The following LOC400499 variants were observed in gnomAD, a reference collection of about 807,000 sequenced individuals.
chr16:11,501,615 G>A, the LOC400499 span, among the ~76,000 whole-genome samples: 2 of 152,044 alleles, frequency 1.3e-5, no homozygotes, highest in South Asian at 2.1e-4. Context: ...CTGAGTTAGT[G>A]CCTCAGAGAT....
At chr16:11,505,859 C>T in the LOC400499 span, among the ~76,000 whole-genome samples, 13,032 of 152,054 alleles carry the variant, frequency 0.086, 721 homozygotes, top group African/African-American at 0.16. Flanking sequence ...TCACCGTAAC[C>T]ACCTTTTCTT....
the LOC400499 span, among the ~76,000 whole-genome samples, chr16:11,431,462 G>C: frequency 3.9e-5 from 6 of 152,128 alleles, no homozygotes; most frequent in African/African-American, 1.4e-4. Context: ...CTGGAGTACA[G>C]TGGCACAATC....
At chr16:11,456,935 C>T in the LOC400499 span, 2 of 1,536,308 alleles carry the variant, frequency 1.3e-6, no homozygotes, top group Non-Finnish European at 1.7e-6. Flanking sequence ...GCCCATTGTA[C>T]TGCACCTTCA....
chr16:11,512,644 T>G, the LOC400499 span, among the ~76,000 whole-genome samples: 1 of 152,168 alleles, frequency 6.6e-6, no homozygotes, highest in Non-Finnish European at 1.5e-5. Flanking sequence ...GTGGTGATGA[T>G]GGATGTACAA....
At chr16:11,513,298 G>C in the LOC400499 span, among the ~76,000 whole-genome samples, 1 of 151,598 alleles carries the variant, frequency 6.6e-6, no homozygotes, top group Non-Finnish European at 1.5e-5. Flanking sequence ...CCAGTTACCT[G>C]GCGGGCTGAG....
chr16:11,456,721 C>T, the LOC400499 span: 1 of 1,044,238 alleles, frequency 9.6e-7, no homozygotes, highest in Non-Finnish European at 1.4e-6. Context: ...AGCCACTGTG[C>T]CTGGCCCAGT....
chr16:11,433,979 G>T, the LOC400499 span, among the ~76,000 whole-genome samples: 137 of 152,328 alleles, frequency 9.0e-4, 3 homozygotes, highest in East Asian at 0.014. Context: ...TCAGACACAA[G>T]ATGGGAGGAG....
At chr16:11,397,791 G>A in the LOC400499 span, among the ~76,000 whole-genome samples, 1 of 131,798 alleles carries the variant, frequency 7.6e-6, no homozygotes. Flanking sequence ...GGGAGGGAGG[G>A]AGGGAGGGAT....
At chr16:11,446,543 C>T in the LOC400499 span, 1 of 1,535,924 alleles carries the variant, frequency 6.5e-7, no homozygotes, top group African/African-American at 1.4e-5. Flanking sequence ...GGGGTCTCTG[C>T]TCTTACCGTG....
chr16:11,513,829 T>C, the LOC400499 span, among the ~76,000 whole-genome samples: 11 of 152,170 alleles, frequency 7.2e-5, no homozygotes, highest in Non-Finnish European at 1.0e-4. Context: ...GCACAGCAAC[T>C]GGCCCACAGT....
At chr16:11,501,589 C>G in the LOC400499 span, among the ~76,000 whole-genome samples, 1 of 152,048 alleles carries the variant, frequency 6.6e-6, no homozygotes, top group Non-Finnish European at 1.5e-5. Flanking sequence ...AACTCCTGAG[C>G]ATAGCCGTAA....
the LOC400499 span, chr16:11,450,819 T>A: frequency 6.6e-7 from 1 of 1,525,520 alleles, no homozygotes. Context: ...GGTTCAAGGC[T>A]CCTGCAAGCA....
chr16:11,408,315 C>T, the LOC400499 span, among the ~76,000 whole-genome samples: 7,288 of 152,130 alleles, frequency 0.048, 210 homozygotes, highest in Middle Eastern at 0.15. Flanking sequence ...TCACTAGAGG[C>T]GTCATTTCGT....
the LOC400499 span, among the ~76,000 whole-genome samples, chr16:11,448,705 C>A: frequency 2.0e-5 from 3 of 150,882 alleles, no homozygotes; most frequent in African/African-American, 7.3e-5. Context: ...CCAGCCTGGG[C>A]AACAGAATGA....
the LOC400499 span, among the ~76,000 whole-genome samples, chr16:11,403,567 CAT>C: frequency 2.6e-5 from 4 of 152,230 alleles, no homozygotes; most frequent in Non-Finnish European, 5.9e-5. Context: ...CCAGGGCACA[CAT>C]GTGGCAAATG....
the LOC400499 span, among the ~76,000 whole-genome samples, chr16:11,373,213 C>T: frequency 6.6e-6 from 1 of 152,200 alleles, no homozygotes; most frequent in Non-Finnish European, 1.5e-5. Context: ...ATGTGGGGCT[C>T]CTGGCCCTAG....
the LOC400499 span, among the ~76,000 whole-genome samples, chr16:11,420,630 A>G: frequency 8.2e-6 from 1 of 121,762 alleles, no homozygotes; most frequent in East Asian, 2.9e-4. Flanking sequence ...CCAAACTTTC[A>G]GTGAAATCTC....
At chr16:11,518,535 C>T in the LOC400499 span, among the ~76,000 whole-genome samples, 2 of 152,122 alleles carry the variant, frequency 1.3e-5, no homozygotes, top group African/African-American at 4.8e-5. Context: ...AACAACAATG[C>T]CCAAGGGGTG....
the LOC400499 span, among the ~76,000 whole-genome samples, chr16:11,395,301 G>T: frequency 6.6e-6 from 1 of 152,178 alleles, no homozygotes; most frequent in South Asian, 2.1e-4. Context: ...AAAGCCTTCT[G>T]ACCACTCCAC....
Sources: allele counts gnomAD v4.1 joint callset (sites outside exome capture counted in the v4.1 genomes callset), GRCh38; gene constraint gnomAD v4.1.1; transcripts MANE v1.5.